NETO1: variants seen among roughly 807,000 people sequenced by gnomAD.
The protein encoded by NETO1 is neuropilin and tolloid-like protein 1.
A neutral mutation model predicts 61.3 loss-of-function variants in NETO1; 26 were observed. The observed-to-expected ratio is 0.42, with a 90% confidence interval of 0.31 to 0.59. The LOEUF (loss-of-function observed/expected upper bound fraction) is 0.59. NETO1 is among the 20% of genes least tolerant of loss of function. The pLI, the probability that NETO1 is intolerant of heterozygous loss-of-function variation, is 0.12. For synonymous variants in NETO1, 225 were observed against 225.8 expected (o/e 1.00, Z 0.03); for missense variants, 531 against 662.8 (o/e 0.80, Z 2.18).
At chr18:72,786,800 T>G (rs1598994421) in intron 6 of NETO1, among the ~76,000 whole-genome samples, 1 of 151,804 alleles carries the variant, frequency 6.6e-6, no homozygotes, top group African/African-American at 2.4e-5. Flanking sequence ...GTTTGTTTTT[T>G]CAATGTTAAC....
intron 6 of NETO1, among the ~76,000 whole-genome samples, chr18:72,790,939 A>G (rs528674123): frequency 9.1e-4 from 138 of 152,248 alleles, no homozygotes; most frequent in Non-Finnish European, 1.7e-3. Flanking sequence ...CCATCATTTC[A>G]TTCTGGTGGC....
intron 3 of NETO1, among the ~76,000 whole-genome samples, chr18:72,861,377 A>T (rs2074567851): frequency 6.6e-6 from 1 of 152,248 alleles, no homozygotes; most frequent in South Asian, 2.1e-4. Context: ...GCTAGATTAA[A>T]AATGAGTGAT....
intron 6 of NETO1, among the ~76,000 whole-genome samples, chr18:72,793,293 C>A (rs925531728): frequency 7.2e-5 from 11 of 151,974 alleles, no homozygotes; most frequent in Admixed American, 7.2e-4. Flanking sequence ...GGAGAATGAA[C>A]AAATAACATC....
chr18:72,857,855 C>A (rs1396807771), intron 4 of NETO1, among the ~76,000 whole-genome samples: 1 of 151,992 alleles, frequency 6.6e-6, no homozygotes, highest in Non-Finnish European at 1.5e-5. Flanking sequence ...ATTTAACATA[C>A]CCCATGATGT....
intron 4 of NETO1, among the ~76,000 whole-genome samples, chr18:72,808,005 T>TAAAG (rs767234354): frequency 0.093 from 14,209 of 152,250 alleles, 870 homozygotes; most frequent in Middle Eastern, 0.21. Context: ...TCACTAGAAC[T>TAAAG]GGTTTAATAG....
intron 4 of NETO1, among the ~76,000 whole-genome samples, chr18:72,826,376 G>A (rs1197022159): frequency 2.0e-5 from 3 of 152,042 alleles, no homozygotes; most frequent in African/African-American, 7.2e-5. Flanking sequence ...GTGTCTGTAG[G>A]TTTTAATTTC....
intron 4 of NETO1, among the ~76,000 whole-genome samples, chr18:72,833,114 T>G (rs777325440): frequency 6.2e-4 from 94 of 152,220 alleles, no homozygotes; most frequent in Non-Finnish European, 1.0e-4. Flanking sequence ...AGACTCCATA[T>G]ATATGTTATT....
chr18:72,814,509 A>C (rs1433190579), intron 4 of NETO1, among the ~76,000 whole-genome samples: 2 of 152,138 alleles, frequency 1.3e-5, no homozygotes, highest in Non-Finnish European at 2.9e-5. Flanking sequence ...GAACAAATAG[A>C]AAGCATAAAA....
intron 4 of NETO1, among the ~76,000 whole-genome samples, chr18:72,840,113 C>A (rs954621505): frequency 6.6e-6 from 1 of 152,180 alleles, no homozygotes; most frequent in African/African-American, 2.4e-5. Flanking sequence ...ATTTAAAATG[C>A]AGACTGCCCT....
intron 4 of NETO1, among the ~76,000 whole-genome samples, chr18:72,816,582 A>G (rs1046611690): frequency 3.3e-5 from 5 of 152,198 alleles, no homozygotes; most frequent in East Asian, 1.9e-4. Context: ...CATAGCACCA[A>G]TGGCAATGGA....
At chr18:72,773,504 C>T (rs974235937) in intron 7 of NETO1, among the ~76,000 whole-genome samples, 2 of 152,112 alleles carry the variant, frequency 1.3e-5, no homozygotes, top group African/African-American at 2.4e-5. Flanking sequence ...TGTGTCCCTA[C>T]CCAAATCCCA....
intron 4 of NETO1, among the ~76,000 whole-genome samples, chr18:72,797,040 C>T (rs1323578761): frequency 6.6e-6 from 1 of 152,142 alleles, no homozygotes; most frequent in Non-Finnish European, 1.5e-5. Flanking sequence ...CCCTATTCTT[C>T]CTTATTTTTC....
intron 3 of NETO1, among the ~76,000 whole-genome samples, chr18:72,861,383 G>A (rs958910903): frequency 5.3e-5 from 8 of 152,190 alleles, no homozygotes; most frequent in Admixed American, 2.6e-4. Flanking sequence ...TTAAAAATGA[G>A]TGATTATGGC....
intron 4 of NETO1, among the ~76,000 whole-genome samples, chr18:72,839,648 T>A (rs1404828740): frequency 6.6e-6 from 1 of 152,188 alleles, no homozygotes; most frequent in Admixed American, 6.5e-5. Flanking sequence ...TGCCTATTTC[T>A]TTTAACTGTT....
At chr18:72,761,282 C>T (rs2070963844) in intron 7 of NETO1, among the ~76,000 whole-genome samples, 1 of 152,166 alleles carries the variant, frequency 6.6e-6, no homozygotes, top group Non-Finnish European at 1.5e-5. Flanking sequence ...TCCTAGTTAT[C>T]TTTGTACCTT....
chr18:72,808,457 A>AGT (rs2072755596), intron 4 of NETO1, among the ~76,000 whole-genome samples: 1 of 58,096 alleles, frequency 1.7e-5, no homozygotes, highest in South Asian at 5.6e-4. Flanking sequence ...GTGTGTGTGG[A>AGT]GTGTGTGTGT....
intron 4 of NETO1, among the ~76,000 whole-genome samples, chr18:72,827,584 T>G (rs901780195): frequency 2.2e-4 from 33 of 152,054 alleles, no homozygotes; most frequent in Admixed American, 2.2e-3. Context: ...GGCATGGTGA[T>G]GTCTGCCTGT....
intron 6 of NETO1, among the ~76,000 whole-genome samples, chr18:72,792,572 C>T (rs941536059): frequency 6.6e-6 from 1 of 151,756 alleles, no homozygotes; most frequent in African/African-American, 2.4e-5. Flanking sequence ...ACTGGAATTA[C>T]CGCCACAGCT....
intron 4 of NETO1, among the ~76,000 whole-genome samples, chr18:72,845,208 T>C (rs957345760): frequency 1.3e-5 from 2 of 152,184 alleles, no homozygotes; most frequent in African/African-American, 4.8e-5. Context: ...TGTGAAGTAA[T>C]ATAAGTAGCC....
Sources: allele counts gnomAD v4.1 joint callset (sites outside exome capture counted in the v4.1 genomes callset), GRCh38; gene constraint gnomAD v4.1.1; transcripts MANE v1.5; gene names NCBI Gene and HGNC (gene_info 2026-07-23, HGNC 2026-07-21).